Variants in DDR2 observed in about 807,000 individuals in gnomAD.
DDR2 encodes the protein discoidin domain receptor tyrosine kinase 2.
A neutral mutation model predicts 94.9 loss-of-function variants in DDR2; 27 were observed. That is an observed-to-expected ratio of 0.28 (90% CI 0.21 to 0.39). The LOEUF (loss-of-function observed/expected upper bound fraction) is 0.39. Among genes scored for constraint, DDR2 ranks in the 10% least tolerant of loss-of-function variants. The pLI is 1.00. For missense variants in DDR2, 783 were observed against 1,076.0 expected (o/e 0.73, Z 3.81); for synonymous variants, 382 against 377.2 (o/e 1.01, Z -0.15).
intron 3 of DDR2, among the ~76,000 whole-genome samples, chr1:162,729,742 A>T (rs116317240): frequency 0.059 from 8,897 of 150,628 alleles, 322 homozygotes; most frequent in Admixed American, 0.083. Flanking sequence ...ATTTTTATTT[A>T]TATTTATTTA....
chr1:162,661,550 C>T (rs528062293), intron 2 of DDR2, among the ~76,000 whole-genome samples: 6 of 152,168 alleles, frequency 3.9e-5, no homozygotes, highest in African/African-American at 1.4e-4. Context: ...AGAATAGCTG[C>T]GTGTGTACAC....
At chr1:162,719,272 G>T (rs761908713) in intron 3 of DDR2, 127 bp downstream of exon 3, 35 of 1,526,486 alleles carry the variant, frequency 2.3e-5, no homozygotes, top group South Asian at 3.6e-5. Context: ...AATCTCCATG[G>T]TGAAATATGA....
Position 162,698,975 on chromosome 1 carries a change from C to T in DDR2, c.-27-20062C>T, listed in dbSNP as rs530584177. On this transcript the variant is annotated intron_variant, in intron 2 of 17. Transcript: ENST00000367921. ...CCTGTTTGACTCATATAGTGTGGAG[C>T]TTTATAATCTGTAATCCAAAATTGG... Among the ~76,000 whole-genome samples the T allele has an allele frequency of 2.1e-3, 313 of 152,300 alleles. 1 individual carries two copies. Among genetic ancestry groups the T allele is most frequent in the African/African-American group, 7.0e-3 (290 of 41,566 alleles).
At chr1:162,756,844 C>A (rs542951931) in intron 7 of DDR2, among the ~76,000 whole-genome samples, 1 of 152,244 alleles carries the variant, frequency 6.6e-6, no homozygotes, top group African/African-American at 2.4e-5. Context: ...CAGTCACACC[C>A]CAACAGGCAT....
intron 3 of DDR2, among the ~76,000 whole-genome samples, chr1:162,730,665 T>A (rs1248088407): frequency 6.6e-6 from 1 of 152,196 alleles, no homozygotes; most frequent in Non-Finnish European, 1.5e-5. Flanking sequence ...GCTGGTAGGA[T>A]GTAAGCCTGA....
chr1:162,693,247 A>T (rs375930021), intron 2 of DDR2, among the ~76,000 whole-genome samples: 5 of 152,298 alleles, frequency 3.3e-5, no homozygotes, highest in African/African-American at 1.2e-4. Context: ...CTGAGTGGTG[A>T]TAACACAGGT....
At chr1:162,665,080 A>T (rs946449647) in intron 2 of DDR2, among the ~76,000 whole-genome samples, 1 of 152,180 alleles carries the variant, frequency 6.6e-6, no homozygotes, top group Non-Finnish European at 1.5e-5. Flanking sequence ...TCCCAATTTC[A>T]CTTCCCTTAG....
chr1:162,694,741 C>G (rs752045111), intron 2 of DDR2, among the ~76,000 whole-genome samples: 6 of 152,062 alleles, frequency 3.9e-5, no homozygotes, highest in African/African-American at 9.7e-5. Context: ...TGTGATATGT[C>G]AAAAATCTAG....
intron 2 of DDR2, among the ~76,000 whole-genome samples, chr1:162,658,953 C>T (rs1200729364): frequency 6.6e-6 from 1 of 152,072 alleles, no homozygotes; most frequent in African/African-American, 2.4e-5. Context: ...AAGCTGAGAG[C>T]AGACTTCAGT....
chr1:162,685,996 G>A (rs1401768920), intron 2 of DDR2, among the ~76,000 whole-genome samples: 1 of 152,138 alleles, frequency 6.6e-6, no homozygotes. Context: ...GAGGGACTGT[G>A]TTCTATTCAC....
At chr1:162,761,599 T>G in intron 9 of DDR2, 145 bp downstream of exon 9, 1 of 1,334,952 alleles carries the variant, frequency 7.5e-7, no homozygotes, top group East Asian at 2.4e-5. Flanking sequence ...GAATCCTTTG[T>G]GTGACTAGTT....
rs770605638 is a variant in DDR2 at position 162,759,777 on chromosome 1, C to T, written c.672-19C>T. ...CAGATTTCTCTCTCCTTTTCCTCCT[C>T]TTCTCCTGGCCTGAGCAGCATGACA... On this transcript the variant is annotated intron_variant, in intron 7 of 17. Coordinates refer to ENST00000367921, the MANE Select transcript of DDR2 (RefSeq NM_006182.4). 5.0e-6 allele frequency: 8 copies of T among 1,613,500 alleles called. No homozygotes were observed. The Admixed American group carries it at 5.0e-5, about 10-fold the overall frequency.
chr1:162,673,504 A>G (rs1307200824), intron 2 of DDR2, among the ~76,000 whole-genome samples: 3 of 151,994 alleles, frequency 2.0e-5, no homozygotes, highest in African/African-American at 7.3e-5. Context: ...AGATGAGAAG[A>G]TGAAGCATTT....
At chr1:162,751,887 A>G (rs1018768358) in intron 3 of DDR2, among the ~76,000 whole-genome samples, 6 of 152,232 alleles carry the variant, frequency 3.9e-5, no homozygotes, top group Non-Finnish European at 5.9e-5. Flanking sequence ...TGAGCAAACT[A>G]TCGCAAGGAC....
At chr1:162,735,442 C>T (rs925213820) in intron 3 of DDR2, among the ~76,000 whole-genome samples, 8 of 152,132 alleles carry the variant, frequency 5.3e-5, no homozygotes, top group Admixed American at 1.3e-4. Context: ...TTTGCTACCC[C>T]CTCCCAGCAA....
At chr1:162,704,676 A>G (rs769337815) in intron 2 of DDR2, among the ~76,000 whole-genome samples, 3 of 152,136 alleles carry the variant, frequency 2.0e-5, no homozygotes, top group Non-Finnish European at 2.9e-5. Context: ...TCTCTTTTAA[A>G]AGGACCCTGA....
At chr1:162,682,405 G>T (rs1238734932) in intron 2 of DDR2, among the ~76,000 whole-genome samples, 1 of 152,194 alleles carries the variant, frequency 6.6e-6, no homozygotes, top group Non-Finnish European at 1.5e-5. Flanking sequence ...TGCAAGTACT[G>T]TCAGGCCAGG....
At chr1:162,682,198 A>T (rs1426545170) in intron 2 of DDR2, among the ~76,000 whole-genome samples, 1 of 152,062 alleles carries the variant, frequency 6.6e-6, no homozygotes, top group Non-Finnish European at 1.5e-5. Flanking sequence ...GGAGCTGGAC[A>T]CTGCTGCTCT....
chr1:162,680,625 A>G (rs969644368), intron 2 of DDR2, among the ~76,000 whole-genome samples: 4 of 152,210 alleles, frequency 2.6e-5, no homozygotes, highest in African/African-American at 9.6e-5. Flanking sequence ...ACTTCAGTTC[A>G]ATGGCCTTAG....
Sources: allele counts gnomAD v4.1 joint callset (sites outside exome capture counted in the v4.1 genomes callset), GRCh38; gene constraint gnomAD v4.1.1; transcripts MANE v1.5; gene names NCBI Gene and HGNC (gene_info 2026-07-23, HGNC 2026-07-21).